The following ACAP2 variants were observed in gnomAD, a reference collection of about 807,000 sequenced individuals.
ACAP2 encodes ArfGAP with coiled-coil, ankyrin repeat and PH domains 2.
A neutral mutation model predicts 115.8 loss-of-function variants in ACAP2; 39 were observed. That is an observed-to-expected ratio of 0.34 (90% CI 0.26 to 0.44). ACAP2 has a LOEUF of 0.44. Ranked by LOEUF, ACAP2 falls within the 20% of genes least tolerant of loss-of-function variation. The pLI is 1.00. For synonymous variants in ACAP2, 289 were observed against 315.8 expected (o/e 0.92, Z 0.90); for missense variants, 662 against 927.6 (o/e 0.71, Z 3.72).
At chr3:195,289,799 G>A (rs540595582) in intron 20 of ACAP2, among the ~76,000 whole-genome samples, 35 of 69,298 alleles carry the variant, frequency 5.1e-4, no homozygotes, top group African/African-American at 1.2e-3. Flanking sequence ...GCAAGACTCC[G>A]TCTCAAAAAA....
intron 1 of ACAP2, among the ~76,000 whole-genome samples, chr3:195,423,112 T>C (rs1250746786): frequency 6.6e-6 from 1 of 152,122 alleles, no homozygotes; most frequent in Non-Finnish European, 1.5e-5. Flanking sequence ...TGTAGGAGAA[T>C]GTCCTTATTT....
chr3:195,301,911 TTCTA>T (rs1162728527), intron 14 of ACAP2, 51 bp downstream of exon 14: 1 of 1,571,432 alleles, frequency 6.4e-7, no homozygotes, highest in Non-Finnish European at 8.7e-7. Context: ...AAACAACCAT[TTCTA>T]TCTGTGTTTA....
chr3:195,422,679 T>C (rs960961437), intron 1 of ACAP2, among the ~76,000 whole-genome samples: 1 of 152,098 alleles, frequency 6.6e-6, no homozygotes. Flanking sequence ...AGTCGTGCCA[T>C]GTTGCCCAGG....
intron 4 of ACAP2, among the ~76,000 whole-genome samples, chr3:195,362,480 C>T (rs761752691): frequency 1.3e-4 from 20 of 152,008 alleles, no homozygotes; most frequent in Non-Finnish European, 2.9e-4. Flanking sequence ...TTCTATGAGG[C>T]CAGTTATTAC....
chr3:195,280,642 GTT>G (rs987817028), intron 22 of ACAP2: 23 of 152,028 alleles, frequency 1.5e-4, no homozygotes, highest in African/African-American at 4.8e-4. Context: ...GTACAAATAT[GTT>G]TACCGAGAAA....
intron 15 of ACAP2, among the ~76,000 whole-genome samples, chr3:195,300,048 T>TC (rs1219274296): frequency 6.0e-5 from 2 of 33,174 alleles, no homozygotes; most frequent in African/African-American, 1.8e-4. Flanking sequence ...TTTTTTCTTT[T>TC]TTTTTTTTTT....
chr3:195,359,768 A>T (rs1233627952), intron 4 of ACAP2, among the ~76,000 whole-genome samples: 1 of 152,096 alleles, frequency 6.6e-6, no homozygotes, highest in African/African-American at 2.4e-5. Context: ...CGCCTGGCCT[A>T]AAGTACTGTG....
At chr3:195,306,771 G>A (rs1194411692) in intron 12 of ACAP2, 155 bp from the exon 13 acceptor site, 1 of 515,510 alleles carries the variant, frequency 1.9e-6, no homozygotes, top group Non-Finnish European at 3.3e-6. Context: ...GTATCTTTAG[G>A]GCAAAGTATG....
At chr3:195,370,871 G>C (rs1312677386) in intron 4 of ACAP2, among the ~76,000 whole-genome samples, 2 of 150,644 alleles carry the variant, frequency 1.3e-5, no homozygotes, top group Non-Finnish European at 2.9e-5. Flanking sequence ...AGAATCACTT[G>C]AACCCAGGAG....
chr3:195,429,053 T>C (rs1392517424), intron 1 of ACAP2, among the ~76,000 whole-genome samples: 1 of 152,164 alleles, frequency 6.6e-6, no homozygotes, highest in Non-Finnish European at 1.5e-5. Context: ...GAATACATTA[T>C]GGTACATTCA....
intron 6 of ACAP2, among the ~76,000 whole-genome samples, chr3:195,341,363 C>T (rs1398535005): frequency 3.5e-5 from 4 of 115,894 alleles, no homozygotes. Flanking sequence ...CTCGCTCTGT[C>T]ACCCAGGCTG....
At chr3:195,375,099 G>A (rs1381297627) in intron 4 of ACAP2, among the ~76,000 whole-genome samples, 1 of 151,880 alleles carries the variant, frequency 6.6e-6, no homozygotes, top group Admixed American at 6.6e-5. Context: ...AGCTGAGGCA[G>A]GAGAATCGCT....
chr3:195,316,193 G>C (rs1729078183), intron 10 of ACAP2, among the ~76,000 whole-genome samples: 2 of 150,590 alleles, frequency 1.3e-5, no homozygotes, highest in Non-Finnish European at 3.0e-5. Flanking sequence ...AGTCAAGCTG[G>C]GTTTTTTTTG....
chr3:195,440,467 G>C (rs542211182), intron 1 of ACAP2, among the ~76,000 whole-genome samples: 3 of 152,264 alleles, frequency 2.0e-5, no homozygotes, highest in Admixed American at 2.0e-4. Flanking sequence ...AGACAGTTAT[G>C]TGCACACACT....
chr3:195,360,162 G>A (rs549368647), intron 4 of ACAP2, among the ~76,000 whole-genome samples: 1 of 151,632 alleles, frequency 6.6e-6, no homozygotes, highest in South Asian at 2.1e-4. Flanking sequence ...GACAAAAACT[G>A]AAAATAAAGG....
intron 1 of ACAP2, among the ~76,000 whole-genome samples, chr3:195,436,774 A>C (rs1451207121): frequency 6.6e-6 from 1 of 152,158 alleles, no homozygotes; most frequent in East Asian, 1.9e-4. Flanking sequence ...ACATCACAAA[A>C]GGGATGTGCG....
At chr3:195,435,580 T>G (rs1335996901) in intron 1 of ACAP2, among the ~76,000 whole-genome samples, 2 of 152,208 alleles carry the variant, frequency 1.3e-5, no homozygotes, top group African/African-American at 4.8e-5. Context: ...CTGAAAATAT[T>G]TCTTCATTTT....
At chr3:195,384,770 G>A (rs1161469195) in intron 2 of ACAP2, among the ~76,000 whole-genome samples, 3 of 152,018 alleles carry the variant, frequency 2.0e-5, no homozygotes, top group African/African-American at 7.2e-5. Flanking sequence ...AACTAGTTCA[G>A]TGCATTCCTC....
intron 1 of ACAP2, among the ~76,000 whole-genome samples, chr3:195,426,895 C>T (rs982869230): frequency 6.6e-6 from 1 of 152,080 alleles, no homozygotes; most frequent in African/African-American, 2.4e-5. Flanking sequence ...TTTGGGGAGC[C>T]AGGGGGTGGA....
Sources: allele counts gnomAD v4.1 joint callset (sites outside exome capture counted in the v4.1 genomes callset), GRCh38; gene constraint gnomAD v4.1.1; transcripts MANE v1.5; gene names NCBI Gene and HGNC (gene_info 2026-07-23, HGNC 2026-07-21).